RABGAP1L: variants seen among roughly 807,000 people sequenced by gnomAD.
The protein encoded by RABGAP1L is RAB GTPase activating protein 1 like.
RABGAP1L carries 63 observed loss-of-function variants against 137.7 expected under a neutral mutation model. The ratio of observed to expected loss-of-function variants is 0.46; its 90% CI spans 0.37 to 0.56. RABGAP1L has a LOEUF of 0.56. RABGAP1L is among the 20% of genes least tolerant of loss of function. The pLI, the probability that RABGAP1L is intolerant of heterozygous loss-of-function variation, is 0.00. For missense variants in RABGAP1L, 1,095 were observed against 1,244.0 expected (o/e 0.88, Z 1.80); for synonymous variants, 431 against 433.7 (o/e 0.99, Z 0.08).
At chr1:174,930,113 T>C (rs991544758) in intron 19 of RABGAP1L, among the ~76,000 whole-genome samples, 8 of 151,358 alleles carry the variant, frequency 5.3e-5, no homozygotes, top group Non-Finnish European at 1.2e-4. Context: ...GCTCCCAAAG[T>C]GTTGGGATTA....
At chr1:174,314,267 A>G (rs1429373812) in intron 11 of RABGAP1L, among the ~76,000 whole-genome samples, 5 of 152,088 alleles carry the variant, frequency 3.3e-5, no homozygotes, top group African/African-American at 7.2e-5. Flanking sequence ...AATGTGTTCT[A>G]TTCTTCTAGA....
At chr1:174,366,497 C>T (rs911003055) in intron 11 of RABGAP1L, among the ~76,000 whole-genome samples, 14 of 152,040 alleles carry the variant, frequency 9.2e-5, no homozygotes, top group South Asian at 2.1e-4. Flanking sequence ...AGGCTGGGCA[C>T]GGTGGCTCAT....
intron 17 of RABGAP1L, among the ~76,000 whole-genome samples, chr1:174,711,662 C>T (rs903706687): frequency 9.2e-5 from 14 of 152,206 alleles, no homozygotes; most frequent in African/African-American, 1.2e-4. Context: ...TGCAGCCTGC[C>T]GTGCCCGAGT....
At chr1:174,199,143 T>TA (rs1467330535) in intron 1 of RABGAP1L, among the ~76,000 whole-genome samples, 2 of 152,038 alleles carry the variant, frequency 1.3e-5, no homozygotes, top group Non-Finnish European at 2.9e-5. Flanking sequence ...TGAGGAAAAT[T>TA]AAAAAATTCA....
chr1:174,732,528 CATG>C (rs199641532), intron 17 of RABGAP1L, among the ~76,000 whole-genome samples: 3,216 of 152,182 alleles, frequency 0.021, 52 homozygotes, highest in Middle Eastern at 0.085. Context: ...AATTAGTACG[CATG>C]AGAACACATC....
chr1:174,575,465 T>C (rs958590197), intron 13 of RABGAP1L, among the ~76,000 whole-genome samples: 15 of 152,158 alleles, frequency 9.9e-5, no homozygotes, highest in Admixed American at 9.2e-4. Flanking sequence ...CCCAGATTTG[T>C]TTATCTGAAA....
intron 17 of RABGAP1L, among the ~76,000 whole-genome samples, chr1:174,706,844 CT>C (rs1412121164): frequency 6.6e-6 from 1 of 152,154 alleles, no homozygotes; most frequent in East Asian, 1.9e-4. Flanking sequence ...AATACGAACT[CT>C]TTTCTGTCTA....
chr1:174,193,502 A>G (rs1276406951), intron 1 of RABGAP1L, among the ~76,000 whole-genome samples: 2 of 152,228 alleles, frequency 1.3e-5, no homozygotes, highest in South Asian at 4.1e-4. Context: ...ACTGCACTCC[A>G]GCCTGGGTGA....
Position 174,699,545 on chromosome 1 carries a change from C to A in RABGAP1L, c.1920C>A (p.Phe640Leu). The A allele has an allele frequency of 6.2e-7, 1 of 1,612,484 alleles. No homozygotes were observed. The highest frequency in any genetic ancestry group is 1.3e-5 in the African/African-American group (1 of 74,996). ...TGTAGATGCCAGAGGAACAAGCATT[C>A]TGTGTTTTGGTGAAAATCATGTACG... Reference protein sequence around the residue: ...LLLHMPEEQAFCVLVKIMYDY... With the variant: ...LLLHMPEEQALCVLVKIMYDY... Residue 640 changes from phenylalanine (F) to leucine (L), a missense_variant, in exon 16 of 26, where the codon TTC (phenylalanine) becomes TTA (leucine). Around this residue, in one of 4 missense-constraint regions of RABGAP1L, gnomAD observed 315 missense variants for 324.8 expected, o/e 0.97. Transcript: ENST00000681986.
At chr1:174,464,579 T>C (rs575507680) in intron 13 of RABGAP1L, among the ~76,000 whole-genome samples, 58 of 152,330 alleles carry the variant, frequency 3.8e-4, no homozygotes, top group African/African-American at 1.3e-3. Flanking sequence ...TTTGTTAATG[T>C]CATTAGTACC....
Position 174,943,094 on chromosome 1 carries a change from G to A in RABGAP1L, c.2341-14363G>A, listed in dbSNP as rs143080748. On this transcript the variant is annotated intron_variant, in intron 19 of 25. Transcript: ENST00000681986. ...TTGGACTGGTTCCTGTGTACCTCTC[G>A]TACTCTTCAGCTAGCAATCCCTCTC... 1.1e-4 allele frequency among the ~76,000 whole-genome samples: 17 copies of A among 152,182 alleles called. 1 individual carries two copies. The East Asian group carries it at 3.3e-3, about 29-fold the overall frequency.
chr1:174,871,225 G>C (rs941764465), intron 19 of RABGAP1L, among the ~76,000 whole-genome samples: 2 of 151,552 alleles, frequency 1.3e-5, no homozygotes, highest in Non-Finnish European at 2.9e-5. Context: ...GTGCAGTGGC[G>C]CGATCTCAGC....
At chr1:174,220,711 G>A (rs1669693575) in intron 2 of RABGAP1L, 1 of 247,030 alleles carries the variant, frequency 4.0e-6, no homozygotes, top group Non-Finnish European at 7.6e-6. Context: ...TCTGTAAATA[G>A]GATCTTATAT....
chr1:174,819,889 C>T (rs1323309418), intron 19 of RABGAP1L, among the ~76,000 whole-genome samples: 3 of 152,080 alleles, frequency 2.0e-5, no homozygotes, highest in African/African-American at 7.2e-5. Context: ...ATGGACCTTT[C>T]ATTACAAGCT....
chr1:174,490,417 C>CT (rs1208805720), intron 13 of RABGAP1L, among the ~76,000 whole-genome samples: 1 of 152,132 alleles, frequency 6.6e-6, no homozygotes, highest in Non-Finnish European at 1.5e-5. Flanking sequence ...TCTTCCCTTG[C>CT]TTTCTTCCAA....
intron 13 of RABGAP1L, among the ~76,000 whole-genome samples, chr1:174,624,089 A>G (rs1672755265): frequency 6.6e-6 from 1 of 152,140 alleles, no homozygotes; most frequent in Non-Finnish European, 1.5e-5. Flanking sequence ...TTCTCTCTCA[A>G]CTTGTTCTTT....
chr1:174,807,941 C>G (rs1313170497), intron 18 of RABGAP1L, among the ~76,000 whole-genome samples: 1 of 81,834 alleles, frequency 1.2e-5, no homozygotes, highest in East Asian at 4.2e-4. Flanking sequence ...CTACCAAAAA[C>G]AAAACAAAAC....
At chr1:174,794,255 G>A (rs757656018) in intron 18 of RABGAP1L, among the ~76,000 whole-genome samples, 9 of 152,188 alleles carry the variant, frequency 5.9e-5, no homozygotes, top group East Asian at 1.9e-4. Flanking sequence ...TTAGTGAACC[G>A]AAGAGGCAGG....
At chr1:174,773,465 C>T (rs1035562856) in intron 18 of RABGAP1L, among the ~76,000 whole-genome samples, 20 of 152,160 alleles carry the variant, frequency 1.3e-4, no homozygotes, top group Non-Finnish European at 2.1e-4. Flanking sequence ...ATAGTGAAAT[C>T]AGTCTCCATT....
Sources: allele counts gnomAD v4.1 joint callset (sites outside exome capture counted in the v4.1 genomes callset), GRCh38; gene constraint gnomAD v4.1.1; regional missense constraint gnomAD v4.1.1; transcripts MANE v1.5; gene names NCBI Gene and HGNC (gene_info 2026-07-23, HGNC 2026-07-21).